Variants in PTP4A1 observed in about 807,000 individuals in gnomAD.
The protein encoded by PTP4A1 is protein tyrosine phosphatase 4A1.
A neutral mutation model predicts 20.5 loss-of-function variants in PTP4A1; 9 were observed. The ratio of observed to expected loss-of-function variants is 0.44; its 90% CI spans 0.26 to 0.77. The LOEUF (loss-of-function observed/expected upper bound fraction) is 0.77, where lower values mean the gene tolerates loss of function less well. Ranked by LOEUF, PTP4A1 falls within the 30% of genes least tolerant of loss-of-function variation. PTP4A1 has a pLI of 0.19. For missense variants in PTP4A1, 137 were observed against 218.8 expected (o/e 0.63, Z 2.36); for synonymous variants, 78 against 67.4 (o/e 1.16, Z -0.77).
chr6:63,573,069 A>C (rs1015268747), intron 1 of PTP4A1, among the ~76,000 whole-genome samples: 15 of 151,542 alleles, frequency 9.9e-5, no homozygotes, highest in Non-Finnish European at 2.2e-4. Flanking sequence ...GGGTGGCACA[A>C]AAGCCGCTTT....
At chr6:63,544,122 G>A (rs1267918427) in intron 2 of PTP4A1, among the ~76,000 whole-genome samples, 1 of 152,084 alleles carries the variant, frequency 6.6e-6, no homozygotes, top group Non-Finnish European at 1.5e-5. Flanking sequence ...ATTGTGGGGA[G>A]TAAAGACTAC....
chr6:63,531,787 A>T (rs1228262535), intron 2 of PTP4A1, among the ~76,000 whole-genome samples: 1 of 151,746 alleles, frequency 6.6e-6, no homozygotes, highest in Non-Finnish European at 1.5e-5. Context: ...CACCATGTCC[A>T]GCCTCCCATA....
At chr6:63,525,375 C>T (rs558366572) in intron 1 of PTP4A1, among the ~76,000 whole-genome samples, 1 of 152,306 alleles carries the variant, frequency 6.6e-6, no homozygotes, top group African/African-American at 2.4e-5. Context: ...AGAGAGAGAA[C>T]AGACGGGAGG....
chr6:63,559,266 A>C (rs372593579), intron 3 of PTP4A1, among the ~76,000 whole-genome samples: 1 of 152,230 alleles, frequency 6.6e-6, no homozygotes, highest in Non-Finnish European at 1.5e-5. Flanking sequence ...AAGGATCATA[A>C]TATAATGATA....
chr6:63,577,720 C>G (rs1777960650), intron 2 of PTP4A1, among the ~76,000 whole-genome samples: 2 of 152,028 alleles, frequency 1.3e-5, no homozygotes, highest in African/African-American at 4.8e-5. Flanking sequence ...CCTTGCCCAG[C>G]TAATTTTTGT....
chr6:63,537,852 C>T lies in PTP4A1; in HGVS notation c.-640+9768C>T, dbSNP rs536658418. Among the ~76,000 whole-genome samples the T allele has an allele frequency of 6.3e-3, 952 of 152,236 alleles. 8 individuals carry two copies. Among genetic ancestry groups the T allele is most frequent in the South Asian group, 0.033 (158 of 4,820 alleles). ...GACACCTCAACCGCCAAGAATCTGG[C>T]GAAAGGGCCACGGCCGTAGTGAGAG... is the stretch of plus-strand genomic sequence containing the variant. On this transcript the variant is annotated intron_variant, in intron 2 of 3. Transcript: ENST00000639568.
intron 1 of PTP4A1, among the ~76,000 whole-genome samples, chr6:63,576,051 A>T (rs1370037403): frequency 6.6e-6 from 1 of 151,134 alleles, no homozygotes; most frequent in Admixed American, 6.6e-5. Context: ...AAAGAAAACA[A>T]CTATCGAAAG....
intron 1 of PTP4A1, among the ~76,000 whole-genome samples, chr6:63,575,920 TTA>T (rs1394616906): frequency 6.6e-6 from 1 of 152,066 alleles, no homozygotes; most frequent in Non-Finnish European, 1.5e-5. Context: ...ATGTTTCAGT[TTA>T]TGAGTTAAGT....
At position 63,581,266 on chromosome 6, in the gene PTP4A1, A is replaced by T. The variant is rs993526651; in HGVS notation, c.*1092A>T. The T allele has an allele frequency of 1.3e-5, 2 of 152,492 alleles. No homozygotes were observed. Among genetic ancestry groups the T allele is most frequent in the African/African-American group, 2.4e-5 (1 of 41,412 alleles). The allele number at this position is 152,492 out of a possible 1,614,324, so 9.4% of individuals were successfully genotyped here. On this transcript the variant is annotated 3_prime_UTR_variant, in exon 6 of 6. Transcript: ENST00000626021. ...GTAACTTAATATTTGGATACTTGAC[A>T]ATTTGTTTTATTATGTAATTGATAA...
In PTP4A1 at chr6:63,526,824, TA is replaced by T. The variant is rs1775204921; in HGVS notation, c.-905-994del. Among the ~76,000 whole-genome samples, 4 of 143,734 alleles carry T rather than the reference TA, an allele frequency of 2.8e-5. 1 individual carries two copies. The highest frequency in any genetic ancestry group is 1.0e-4 in the African/African-American group (4 of 38,592). 94.3% of individuals were successfully genotyped at this position (143,734 alleles called of 152,430 possible). The stretch of plus-strand genomic sequence containing the variant: ...AAATGTATATATATATATATATATA[TA>T]TATATATATATTTATTTATTTATTC... On this transcript the variant is annotated intron_variant, in intron 1 of 3. Transcript: ENST00000639568.
chr6:63,537,838 C>T lies in PTP4A1; in HGVS notation c.-640+9754C>T, dbSNP rs188956393. Reference sequence around the variant, plus strand: ...TAGGGCACAATGAGGACACCTCAACCGCCAAGAATCTGGCGAAAGGGCCAC... The same window carrying T: ...TAGGGCACAATGAGGACACCTCAACTGCCAAGAATCTGGCGAAAGGGCCAC... On this transcript the variant is annotated intron_variant, in intron 2 of 3. Transcript: ENST00000639568. Among the ~76,000 whole-genome samples the T allele has an allele frequency of 2.7e-3, 407 of 152,270 alleles. 1 individual carries two copies. The highest frequency in any genetic ancestry group is 9.1e-3 in the African/African-American group (378 of 41,570).
upstream of PTP4A1, among the ~76,000 whole-genome samples, chr6:63,569,242 C>T (rs991919358): frequency 5.9e-5 from 9 of 152,102 alleles, no homozygotes; most frequent in African/African-American, 2.2e-4. Context: ...TTTCCTCTTC[C>T]ATAAAAATAT....
intron 2 of PTP4A1, among the ~76,000 whole-genome samples, chr6:63,528,265 A>G (rs1775274060): frequency 6.6e-6 from 1 of 151,652 alleles, no homozygotes; most frequent in African/African-American, 2.4e-5. Flanking sequence ...TGACTTGAGC[A>G]CACATAGTAT....
chr6:63,527,387 A>G (rs1189684491), intron 1 of PTP4A1, among the ~76,000 whole-genome samples: 2 of 152,192 alleles, frequency 1.3e-5, no homozygotes, highest in African/African-American at 4.8e-5. Flanking sequence ...ATATTGACCA[A>G]TAAGTGCCGA....
intron 2 of PTP4A1, among the ~76,000 whole-genome samples, chr6:63,547,798 A>T (rs986233169): frequency 6.6e-6 from 1 of 151,884 alleles, no homozygotes; most frequent in Non-Finnish European, 1.5e-5. Flanking sequence ...GGCGTGAGCC[A>T]CTGCGCCCGG....
At chr6:63,564,982 T>C in intron 3 of PTP4A1, among the ~76,000 whole-genome samples, 1 of 152,244 alleles carries the variant, frequency 6.6e-6, no homozygotes, top group South Asian at 2.1e-4. Flanking sequence ...AAAAGTATTC[T>C]CTTACTAATC....
intron 3 of PTP4A1, among the ~76,000 whole-genome samples, chr6:63,558,001 T>C (rs1219708610): frequency 6.6e-6 from 1 of 151,696 alleles, no homozygotes; most frequent in Non-Finnish European, 1.5e-5. Context: ...GCAATTCTCC[T>C]GCTGTGACTA....
Position 63,535,189 on chromosome 6 carries a change from G to A in PTP4A1, c.-640+7105G>A, listed in dbSNP as rs374675806. Among the ~76,000 whole-genome samples the A allele has an allele frequency of 1.2e-3, 184 of 151,300 alleles. 2 individuals are homozygous for A. Among genetic ancestry groups the A allele is most frequent in the African/African-American group, 4.3e-3 (178 of 41,320 alleles). ...GGATTAAAAACACAGTAATAGGACA[G>A]GCACAGTGGCTCAGCCTGTAATTCC... On this transcript the variant is annotated intron_variant, in intron 2 of 3. Transcript: ENST00000639568.
chr6:63,544,586 G>A (rs1452067513), intron 2 of PTP4A1, among the ~76,000 whole-genome samples: 2 of 152,080 alleles, frequency 1.3e-5, no homozygotes, highest in African/African-American at 4.8e-5. Context: ...ACTGGCTAGA[G>A]TGGTCATGTC....
Sources: allele counts gnomAD v4.1 joint callset (sites outside exome capture counted in the v4.1 genomes callset), GRCh38; gene constraint gnomAD v4.1.1; transcripts MANE v1.5; gene names NCBI Gene and HGNC (gene_info 2026-07-23, HGNC 2026-07-21).